FHIT: variants seen among roughly 807,000 people sequenced by gnomAD.
The protein encoded by FHIT is fragile histidine triad diadenosine triphosphatase, also known as bis(5'-adenosyl)-triphosphatase.
In FHIT, 19 loss-of-function variants were observed where a neutral mutation model predicts 17.9. The observed-to-expected ratio is 1.06, with a 90% confidence interval of 0.74 to 1.56. The LOEUF (loss-of-function observed/expected upper bound fraction) is 1.56. Ranked by LOEUF, FHIT falls within the 40% of genes most tolerant of loss-of-function variation. The probability of loss-of-function intolerance (pLI) is 0.00; values close to 1 mark genes in which losing one functional copy is unlikely to be tolerated. For synonymous variants in FHIT, 81 were observed against 69.7 expected, an observed-to-expected ratio of 1.16 and a Z score of -0.81; for missense variants, 248 against 189.2, an observed-to-expected ratio of 1.31 and a Z score of -1.82.
chr3:60,259,196 T>A (rs541310686), intron 5 of FHIT, among the ~76,000 whole-genome samples: 1 of 151,996 alleles, frequency 6.6e-6, no homozygotes, highest in Non-Finnish European at 1.5e-5. Flanking sequence ...GGTAGAGAAA[T>A]AGAAGAAGTG....
intron 2 of FHIT, among the ~76,000 whole-genome samples, chr3:61,100,687 A>T (rs2035791951): frequency 6.6e-6 from 1 of 152,220 alleles, no homozygotes; most frequent in Admixed American, 6.5e-5. Flanking sequence ...ATAGTGTAAA[A>T]GCATTTCTAT....
At position 59,869,373 on chromosome 3, in the gene FHIT, A is replaced by G. The variant is rs142863205; in HGVS notation, c.348+52973T>C. The stretch of plus-strand genomic sequence containing the variant: ...TTTTCAGTAGGTGATACATTTCCCA[A>G]TTTAGACTTCACATTATAGAAAAAA... On this transcript the variant is annotated intron_variant, in intron 8 of 9. Coordinates refer to ENST00000492590, the MANE Select transcript of FHIT (RefSeq NM_002012.4). Among the ~76,000 whole-genome samples, 34 of 152,078 alleles carry G rather than the reference A, an allele frequency of 2.2e-4. No individual in the cohort carries two copies. The East Asian group carries it at 6.4e-3, about 29-fold the overall frequency.
chr3:61,178,740 T>C (rs1463771540), intron 2 of FHIT, among the ~76,000 whole-genome samples: 2 of 152,064 alleles, frequency 1.3e-5, no homozygotes, highest in African/African-American at 2.4e-5. Flanking sequence ...GGAACCCTAG[T>C]ATCTGAAAAT....
chr3:59,873,179 T>C (rs2106913843), intron 8 of FHIT, among the ~76,000 whole-genome samples: 1 of 152,264 alleles, frequency 6.6e-6, no homozygotes. Context: ...CTCCAGTAAT[T>C]ATCCATTCCA....
At chr3:60,704,634 C>G (rs1244241641) in intron 4 of FHIT, among the ~76,000 whole-genome samples, 1 of 151,996 alleles carries the variant, frequency 6.6e-6, no homozygotes, top group Non-Finnish European at 1.5e-5. Context: ...AAAAATGAAC[C>G]TTTTTTTGCA....
chr3:60,608,039 C>G (rs1344406066), intron 4 of FHIT, among the ~76,000 whole-genome samples: 1 of 152,178 alleles, frequency 6.6e-6, no homozygotes, highest in Non-Finnish European at 1.5e-5. Context: ...GTACTTCTCC[C>G]ATTCCAGAGA....
rs1036842745 is a variant in FHIT at position 59,827,800 on chromosome 3, CAAG to C, written c.349-75482_349-75480del. Among the ~76,000 whole-genome samples, 5 of 152,222 alleles carry C rather than the reference CAAG, an allele frequency of 3.3e-5. 1 individual carries two copies. The highest frequency in any genetic ancestry group is 3.3e-4 in the Admixed American group (5 of 15,284). ...TACTTTGGTTGTGTAGGCACAAACACAAGAAGATCTACAGATAATGTATATTTT... is the reference window on the plus strand; with the variant it reads ...TACTTTGGTTGTGTAGGCACAAACACAAGATCTACAGATAATGTATATTTT... On this transcript the variant is annotated intron_variant, in intron 8 of 9. Coordinates refer to ENST00000492590, the MANE Select transcript of FHIT (RefSeq NM_002012.4).
chr3:60,390,804 T>C (rs552348412), intron 5 of FHIT, among the ~76,000 whole-genome samples: 1 of 152,268 alleles, frequency 6.6e-6, no homozygotes, highest in South Asian at 2.1e-4. Context: ...TATTTGTACA[T>C]AGCTGTACAA....
At chr3:60,011,302 T>G in intron 7 of FHIT, 69 bp downstream of exon 7, 1 of 1,431,720 alleles carries the variant, frequency 7.0e-7, no homozygotes, top group Non-Finnish European at 9.9e-7. Flanking sequence ...TGCATATGAC[T>G]CGTTGTGATT....
At chr3:60,629,186 A>C (rs1054159261) in intron 4 of FHIT, among the ~76,000 whole-genome samples, 1 of 152,068 alleles carries the variant, frequency 6.6e-6, no homozygotes, top group Non-Finnish European at 1.5e-5. Flanking sequence ...GAGATACCAT[A>C]TCCCTTGACT....
chr3:60,475,493 T>C (rs758832232), intron 5 of FHIT, among the ~76,000 whole-genome samples: 2 of 152,210 alleles, frequency 1.3e-5, no homozygotes, highest in Non-Finnish European at 2.9e-5. Flanking sequence ...CAAGGACTGA[T>C]GAATTGGAGG....
intron 8 of FHIT, among the ~76,000 whole-genome samples, chr3:59,840,392 T>TAA (rs1403206333): frequency 2.6e-5 from 1 of 38,060 alleles, no homozygotes; most frequent in Admixed American, 4.4e-4. Flanking sequence ...TTATCCCCCT[T>TAA]TAAAAAAAAA....
At chr3:60,307,608 A>G (rs1708737843) in intron 5 of FHIT, among the ~76,000 whole-genome samples, 1 of 152,198 alleles carries the variant, frequency 6.6e-6, no homozygotes, top group Non-Finnish European at 1.5e-5. Context: ...GATGTCTCAC[A>G]GGTCATAAAA....
chr3:60,384,730 A>C (rs915943098), intron 5 of FHIT, among the ~76,000 whole-genome samples: 6 of 152,060 alleles, frequency 3.9e-5, no homozygotes, highest in Admixed American at 2.6e-4. Flanking sequence ...CAACAACAAA[A>C]ACCCAGCACT....
At chr3:60,386,889 A>G (rs1277690652) in intron 5 of FHIT, among the ~76,000 whole-genome samples, 1 of 152,154 alleles carries the variant, frequency 6.6e-6, no homozygotes, top group African/African-American at 2.4e-5. Flanking sequence ...CTCAGAGTGG[A>G]CAAGCAACTG....
chr3:60,363,756 C>CT (rs1315889012), intron 5 of FHIT, among the ~76,000 whole-genome samples: 1 of 151,986 alleles, frequency 6.6e-6, no homozygotes, highest in Non-Finnish European at 1.5e-5. Context: ...CTTCCCTGGC[C>CT]CCCCTGGCCC....
intron 8 of FHIT, among the ~76,000 whole-genome samples, chr3:59,788,457 G>C (rs1296289840): frequency 1.3e-5 from 2 of 152,152 alleles, no homozygotes; most frequent in Non-Finnish European, 2.9e-5. Flanking sequence ...TGCCACCCTT[G>C]CACCAGTGCA....
chr3:61,158,604 A>C (rs369431226), intron 2 of FHIT, among the ~76,000 whole-genome samples: 4 of 151,202 alleles, frequency 2.6e-5, no homozygotes, highest in African/African-American at 7.3e-5. Context: ...CAGAGTCCTC[A>C]CATGCTCCCT....
chr3:60,270,128 G>C (rs1473000495), intron 5 of FHIT, among the ~76,000 whole-genome samples: 2 of 152,182 alleles, frequency 1.3e-5, no homozygotes, highest in Non-Finnish European at 2.9e-5. Context: ...TGTTGTGACA[G>C]CGAAGTCAGG....
Sources: allele counts gnomAD v4.1 joint callset (sites outside exome capture counted in the v4.1 genomes callset), GRCh38; gene constraint gnomAD v4.1.1; transcripts MANE v1.5; gene names NCBI Gene and HGNC (gene_info 2026-07-23, HGNC 2026-07-21).